Variants in SUGCT observed in about 807,000 individuals in gnomAD.
The protein encoded by SUGCT is succinyl-CoA:glutarate-CoA transferase, also known as succinyl-CoA:glutarate CoA-transferase.
SUGCT carries 41 observed loss-of-function variants against 55.0 expected under a neutral mutation model. That is an observed-to-expected ratio of 0.74 (90% CI 0.58 to 0.97). SUGCT has a LOEUF of 0.97. SUGCT is among the 50% of genes least tolerant of loss of function. SUGCT has a pLI of 0.00. For missense variants in SUGCT, 568 were observed against 547.8 expected (o/e 1.04, Z -0.37); for synonymous variants, 187 against 200.4 (o/e 0.93, Z 0.56).
At chr7:40,153,426 C>G (rs1788686559) in intron 1 of SUGCT, 2 of 369,188 alleles carry the variant, frequency 5.4e-6, no homozygotes, top group Non-Finnish European at 1.1e-5. Context: ...TGTTGCGATT[C>G]TTTTGAATAT....
At chr7:40,882,711 G>GA in the SUGCT span, among the ~76,000 whole-genome samples, 5 of 152,100 alleles carry the variant, frequency 3.3e-5, no homozygotes, top group African/African-American at 1.2e-4. Flanking sequence ...TAATTGATGA[G>GA]AAAAAACAAT....
chr7:40,380,574 G>C (rs1214792080), intron 9 of SUGCT, among the ~76,000 whole-genome samples: 1 of 152,010 alleles, frequency 6.6e-6, no homozygotes, highest in Non-Finnish European at 1.5e-5. Context: ...TTTTCTTTTG[G>C]GTTGCATCGC....
intron 9 of SUGCT, among the ~76,000 whole-genome samples, chr7:40,434,064 A>G (rs1425232031): frequency 1.3e-5 from 2 of 152,178 alleles, no homozygotes; most frequent in Non-Finnish European, 2.9e-5. Context: ...CTTGTGACCT[A>G]CTAGGATGAC....
intron 9 of SUGCT, among the ~76,000 whole-genome samples, chr7:40,358,629 G>A (rs148917957): frequency 0.011 from 1,663 of 152,102 alleles, 19 homozygotes; most frequent in African/African-American, 0.036. Context: ...CAGGAGAATC[G>A]CTTGAACCCG....
rs868177649 is a variant in SUGCT at position 40,249,355 on chromosome 7, T to C, written c.576+11629T>C. On this transcript the variant is annotated intron_variant, in intron 7 of 13. Transcript: ENST00000335693. ...TATATATATATATATATAATTATAT[T>C]ATATAGAATATATTATATACAAATA... is the stretch of plus-strand genomic sequence containing the variant. 4.3e-5 allele frequency among the ~76,000 whole-genome samples: 4 copies of C among 93,710 alleles called. 1 individual carries two copies. Among genetic ancestry groups the C allele is most frequent in the Non-Finnish European group, 6.7e-5 (3 of 44,932 alleles). 61.5% of individuals were successfully genotyped at this position (93,710 alleles called of 152,430 possible). A position where few individuals can be genotyped will look rare whatever the true frequency, so the allele number is the denominator to read the frequency against.
At chr7:40,227,320 G>A (rs527462285) in intron 6 of SUGCT, among the ~76,000 whole-genome samples, 1 of 152,128 alleles carries the variant, frequency 6.6e-6, no homozygotes, top group South Asian at 2.1e-4. Flanking sequence ...AAAGTGCGGG[G>A]ATTACAGATG....
intron 7 of SUGCT, among the ~76,000 whole-genome samples, chr7:40,253,063 G>A (rs1374377685): frequency 1.3e-5 from 2 of 152,190 alleles, no homozygotes; most frequent in East Asian, 3.8e-4. Context: ...CATGGGGTTT[G>A]GAGTTACATA....
chr7:40,653,489 A>G (rs1377605334), intron 12 of SUGCT, among the ~76,000 whole-genome samples: 1 of 152,196 alleles, frequency 6.6e-6, no homozygotes, highest in Non-Finnish European at 1.5e-5. Context: ...ACAGTTGTAT[A>G]CATCAACCCT....
rs1784617511 is a variant in SUGCT at position 40,377,194 on chromosome 7, CTTT to C, written c.816+60340_816+60342del. ...TCTTTCTTTCTTTCTTTCTTTCTTT[CTTT>C]CTTTTCTTTTCTTTTCTTTCTTTTC... On this transcript the variant is annotated intron_variant, in intron 9 of 13. Transcript: ENST00000335693. 4.0e-4 allele frequency among the ~76,000 whole-genome samples: 3 copies of C among 7,566 alleles called. No individual in the cohort carries two copies. The Non-Finnish European group carries it at 4.4e-3, about 11-fold the overall frequency. 5.0% of individuals were successfully genotyped at this position (7,566 alleles called of 152,430 possible). A position where few individuals can be genotyped will look rare whatever the true frequency, so the allele number is the denominator to read the frequency against.
intron 7 of SUGCT, among the ~76,000 whole-genome samples, chr7:40,246,189 A>G (rs1354779409): frequency 1.3e-5 from 2 of 151,626 alleles, no homozygotes; most frequent in Non-Finnish European, 2.9e-5. Context: ...GATAACCACT[A>G]TTTTTGACTT....
At chr7:40,463,164 C>T (rs904084540) in intron 11 of SUGCT, among the ~76,000 whole-genome samples, 2 of 152,154 alleles carry the variant, frequency 1.3e-5, no homozygotes, top group African/African-American at 4.8e-5. Context: ...TAGACACTTT[C>T]CTTGCCTGAT....
intron 12 of SUGCT, among the ~76,000 whole-genome samples, chr7:40,569,233 A>C (rs768085240): frequency 6.6e-6 from 1 of 152,144 alleles, no homozygotes; most frequent in Non-Finnish European, 1.5e-5. Flanking sequence ...TGTAGGACGT[A>C]GGTGATCCTA....
intron 10 of SUGCT, among the ~76,000 whole-genome samples, chr7:40,457,399 G>T (rs1056929970): frequency 6.6e-6 from 1 of 151,906 alleles, no homozygotes; most frequent in Admixed American, 6.5e-5. Flanking sequence ...AGCTGAGATC[G>T]TGCCCCTGCA....
intron 8 of SUGCT, among the ~76,000 whole-genome samples, chr7:40,290,035 G>A (rs1407854002): frequency 6.6e-6 from 1 of 152,024 alleles, no homozygotes; most frequent in Admixed American, 6.6e-5. Context: ...AACATTCCAC[G>A]CTCATGGATA....
chr7:40,852,120 G>A (rs1407208043), intron 13 of SUGCT, among the ~76,000 whole-genome samples: 1 of 152,150 alleles, frequency 6.6e-6, no homozygotes, highest in Non-Finnish European at 1.5e-5. Context: ...CTCAAACTTG[G>A]CGTGTCCAAA....
At chr7:40,992,676 G>T in the SUGCT span, among the ~76,000 whole-genome samples, 1 of 152,082 alleles carries the variant, frequency 6.6e-6, no homozygotes, top group African/African-American at 2.4e-5. Context: ...AAGTAGTTCT[G>T]GTTATAATAG....
chr7:40,158,309 A>G (rs1455407785), intron 1 of SUGCT, among the ~76,000 whole-genome samples: 1 of 152,220 alleles, frequency 6.6e-6, no homozygotes, highest in African/African-American at 2.4e-5. Flanking sequence ...TTCCTCACCC[A>G]AGTGTAACAC....
chr7:40,273,417 A>G (rs565406085), intron 7 of SUGCT, among the ~76,000 whole-genome samples: 1 of 152,346 alleles, frequency 6.6e-6, no homozygotes, highest in Non-Finnish European at 1.5e-5. Flanking sequence ...AGCCAGATGA[A>G]GTATGAAATG....
At chr7:40,700,421 C>T (rs1466692864) in intron 12 of SUGCT, among the ~76,000 whole-genome samples, 2 of 152,140 alleles carry the variant, frequency 1.3e-5, no homozygotes, top group African/African-American at 2.4e-5. Flanking sequence ...TGAATTTATT[C>T]ATGGACTCTG....
Sources: gnomAD v4.1 joint callset for allele counts (sites outside exome capture counted in the v4.1 genomes callset) on GRCh38, gnomAD v4.1.1 for gene constraint, MANE v1.5 for transcripts, NCBI Gene and HGNC (gene_info 2026-07-23, HGNC 2026-07-21) for gene names.